NF1: variants seen among roughly 807,000 people sequenced by gnomAD.
The protein encoded by NF1 is neurofibromin 1, also known as neurofibromin.
In NF1, 122 loss-of-function variants were observed where a neutral mutation model predicts 325.7. The ratio of observed to expected loss-of-function variants is 0.37; its 90% confidence interval spans 0.32 to 0.44. The LOEUF (loss-of-function observed/expected upper bound fraction) is 0.44. Ranked by LOEUF, NF1 falls within the 20% of genes least tolerant of loss-of-function variation. The probability of loss-of-function intolerance (pLI) is 1.00; values close to 1 mark genes in which losing one functional copy is unlikely to be tolerated. For missense variants in NF1, 2,140 were observed against 3,415.4 expected (o/e 0.63, Z 9.31); for synonymous variants, 1,091 against 1,186.0 (o/e 0.92, Z 1.65).
chr17:31,179,473 A>G (rs2066085267), intron 5 of NF1, among the ~76,000 whole-genome samples: 1 of 152,174 alleles, frequency 6.6e-6, no homozygotes, highest in South Asian at 2.1e-4. Context: ...AGAGCAAACA[A>G]ATTCAAAAGC....
chr17:31,115,099 G>A (rs1016193695), intron 1 of NF1, among the ~76,000 whole-genome samples: 2 of 152,194 alleles, frequency 1.3e-5, no homozygotes, highest in African/African-American at 2.4e-5. Flanking sequence ...GACTGTTGAT[G>A]TAGTGCGGTG....
chr17:31,095,711 A>G (rs1911629775), intron 1 of NF1, among the ~76,000 whole-genome samples: 1 of 152,076 alleles, frequency 6.6e-6, no homozygotes, highest in Non-Finnish European at 1.5e-5. Flanking sequence ...CGCCATCTGG[A>G]TTTAATAATT....
intron 1 of NF1, among the ~76,000 whole-genome samples, chr17:31,139,336 T>C (rs1022847763): frequency 3.3e-5 from 5 of 151,396 alleles, no homozygotes; most frequent in African/African-American, 4.9e-5. Context: ...CATGAGTCAT[T>C]GCGCCTGGCC....
chr17:31,187,134 A>G (rs771561992), intron 8 of NF1, among the ~76,000 whole-genome samples: 6 of 152,122 alleles, frequency 3.9e-5, no homozygotes, highest in Non-Finnish European at 7.4e-5. Flanking sequence ...ATTGCCTCTG[A>G]CCAAGGCACT....
At chr17:31,164,495 T>C (rs2065814050) in intron 4 of NF1, among the ~76,000 whole-genome samples, 1 of 152,232 alleles carries the variant, frequency 6.6e-6, no homozygotes, top group Non-Finnish European at 1.5e-5. Flanking sequence ...ACAAATTATT[T>C]AGTGATTCGT....
intron 1 of NF1, among the ~76,000 whole-genome samples, chr17:31,109,447 G>A (rs746849062): frequency 1.1e-4 from 17 of 151,004 alleles, no homozygotes; most frequent in Admixed American, 2.6e-4. Context: ...GCAATGGCGC[G>A]ATCTCGGCTC....
chr17:31,155,879 A>T (rs2065651446), intron 1 of NF1, 104 bp from the exon 2 acceptor site: 1 of 1,314,130 alleles, frequency 7.6e-7, no homozygotes. Context: ...TCTGTGGTTG[A>T]TGCAGTTTTC....
At chr17:31,095,440 G>A (rs1370030757) in intron 1 of NF1, 71 bp downstream of exon 1, 1 of 1,422,266 alleles carries the variant, frequency 7.0e-7, no homozygotes, top group African/African-American at 1.4e-5. Flanking sequence ...AGGGGAGGTA[G>A]GAGCGGCCGC....
chr17:31,118,198 T>G (rs1250359454), intron 1 of NF1, among the ~76,000 whole-genome samples: 1 of 152,206 alleles, frequency 6.6e-6, no homozygotes. Context: ...ATTGTTGCTT[T>G]CTTTAACTTT....
chr17:31,098,620 TGAGA>T (rs1911993087), intron 1 of NF1, among the ~76,000 whole-genome samples: 1 of 152,116 alleles, frequency 6.6e-6, no homozygotes, highest in African/African-American at 2.4e-5. Context: ...CTGCATGTAC[TGAGA>T]GATAGTTGTA....
chr17:31,323,282 G>A (rs1014619310), intron 36 of NF1, among the ~76,000 whole-genome samples: 6 of 151,826 alleles, frequency 4.0e-5, no homozygotes, highest in East Asian at 3.9e-4. Flanking sequence ...GCATGGTGGC[G>A]CTTATCTGTA....
At chr17:31,249,986 C>CGGCTTCAGTTGCT (rs1567858814) in intron 30 of NF1, 1 of 493,460 alleles carries the variant, frequency 2.0e-6, no homozygotes, top group East Asian at 4.8e-5. Flanking sequence ...TTTTAGCACA[C>CGGCTTCAGTTGCT]GGCTTCAGTT....
chr17:31,131,882 C>A (rs1915419111), intron 1 of NF1, among the ~76,000 whole-genome samples: 2 of 151,910 alleles, frequency 1.3e-5, no homozygotes, highest in African/African-American at 2.4e-5. Context: ...ATATTTCACC[C>A]CTAATGTTTA....
intron 36 of NF1, among the ~76,000 whole-genome samples, chr17:31,315,176 A>C (rs2151522118): frequency 6.6e-6 from 1 of 152,290 alleles, no homozygotes; most frequent in African/African-American, 2.4e-5. Context: ...GATTACCCAC[A>C]AAGTAGTTAC....
At position 31,336,146 on chromosome 17, in the gene NF1, C is replaced by T. The variant is rs1266830089; in HGVS notation, c.6007-187C>T. ...TCTGAAGGAGTCAAATGAATATACTCATCCTTTACTGGATATTTTATAATA... is the reference window on the plus strand; with the variant it reads ...TCTGAAGGAGTCAAATGAATATACTTATCCTTTACTGGATATTTTATAATA... On this transcript the variant is annotated intron_variant, in intron 40 of 57. Transcript: ENST00000358273. The surrounding 1 kb of genome is among the most constrained non-coding windows in gnomAD (Gnocchi z 5.5). 1.3e-5 allele frequency among the ~76,000 whole-genome samples: 2 copies of T among 152,100 alleles called. No homozygotes were observed. Among genetic ancestry groups the T allele is most frequent in the Non-Finnish European group, 2.9e-5 (2 of 68,018 alleles).
At chr17:31,258,257 A>T (rs1233458588) in intron 31 of NF1, 87 bp from the exon 32 acceptor site, 2 of 1,419,342 alleles carry the variant, frequency 1.4e-6, no homozygotes, top group Non-Finnish European at 2.0e-6. Context: ...CAGAGTTTTT[A>T]TGCAAAGTTT....
intron 1 of NF1, among the ~76,000 whole-genome samples, chr17:31,119,232 C>T (rs935815609): frequency 4.6e-5 from 7 of 151,212 alleles, no homozygotes; most frequent in Non-Finnish European, 5.9e-5. Flanking sequence ...TGAGCCACCG[C>T]GCCTGGCCTT....
intron 36 of NF1, among the ~76,000 whole-genome samples, chr17:31,324,802 C>G (rs1218833407): frequency 1.3e-5 from 2 of 151,782 alleles, no homozygotes; most frequent in African/African-American, 4.8e-5. Flanking sequence ...CCTTATGTAA[C>G]CCACCTGCCT....
At chr17:31,301,513 T>A (rs532971299) in intron 36 of NF1, among the ~76,000 whole-genome samples, 43 of 152,312 alleles carry the variant, frequency 2.8e-4, no homozygotes, top group South Asian at 1.4e-3. Context: ...GGTGCTACTT[T>A]ACTTTTTGAT....
Sources: allele counts gnomAD v4.1 joint callset (sites outside exome capture counted in the v4.1 genomes callset), GRCh38; gene constraint gnomAD v4.1.1; non-coding constraint Gnocchi (gnomAD v3.1); transcripts MANE v1.5; gene names NCBI Gene and HGNC (gene_info 2026-07-23, HGNC 2026-07-21).